The following LRRC36 variants were observed in gnomAD, a reference collection of about 807,000 sequenced individuals.
The protein encoded by LRRC36 is leucine-rich repeat-containing protein 36.
LRRC36 carries 62 observed loss-of-function variants against 81.1 expected under a neutral mutation model. That is an observed-to-expected ratio of 0.76 (90% CI 0.62 to 0.94). The LOEUF (loss-of-function observed/expected upper bound fraction) is 0.94. LRRC36 is among the 40% of genes least tolerant of loss of function. The probability of loss-of-function intolerance (pLI) is 0.00; values close to 1 mark genes in which losing one functional copy is unlikely to be tolerated. For synonymous variants in LRRC36, 334 were observed against 348.6 expected, an observed-to-expected ratio of 0.96 and a Z score of 0.47; for missense variants, 761 against 881.7, an observed-to-expected ratio of 0.86 and a Z score of 1.73.
chr16:67,365,454 C>A, intron 7 of LRRC36, 99 bp downstream of exon 7: 1 of 1,010,188 alleles, frequency 9.9e-7, no homozygotes, highest in Non-Finnish European at 1.5e-6. Context: ...TATGGGGGCC[C>A]TATTTAGTCA....
At chr16:67,360,136 A>G (rs990365468) in intron 5 of LRRC36, among the ~76,000 whole-genome samples, 2 of 152,072 alleles carry the variant, frequency 1.3e-5, no homozygotes, top group African/African-American at 4.8e-5. Flanking sequence ...CAAAAAAAAA[A>G]AAAAGAAAAG....
At position 67,341,943 on chromosome 16, in the gene LRRC36, T is replaced by C. The variant is rs1415613601; in HGVS notation, c.71-14T>C. On this transcript the variant is annotated splice_polypyrimidine_tract_variant and intron_variant, in intron 1 of 13. Coordinates refer to ENST00000329956, the MANE Select transcript of LRRC36 (RefSeq NM_018296.6). ...GCAGGGATCATAATATATCTACTGA[T>C]GATCTCTTTTCAGAACTGGTGGAGT... The C allele has an allele frequency of 1.2e-6, 2 of 1,601,008 alleles. No individual in the cohort carries two copies. Among genetic ancestry groups the C allele is most frequent in the East Asian group, 2.2e-5 (1 of 44,606 alleles).
intron 2 of LRRC36, among the ~76,000 whole-genome samples, chr16:67,343,903 G>A (rs1360627862): frequency 9.9e-5 from 15 of 151,690 alleles, no homozygotes; most frequent in East Asian, 5.9e-4. Context: ...TGCAACCTCC[G>A]CCTCCCAGGT....
At chr16:67,350,072 A>T in intron 4 of LRRC36, 130 bp from the exon 5 acceptor site, 1 of 574,902 alleles carries the variant, frequency 1.7e-6, no homozygotes, top group Non-Finnish European at 2.9e-6. Flanking sequence ...AAACATAATT[A>T]AATTAATATG....
At chr16:67,365,386 C>T (rs2039339094) in intron 7 of LRRC36, 31 bp downstream of exon 7, 2 of 1,591,968 alleles carry the variant, frequency 1.3e-6, no homozygotes, top group African/African-American at 1.3e-5. Context: ...GTATTTTTCC[C>T]CCACACTAAT....
At chr16:67,343,250 G>T (rs992398755) in intron 2 of LRRC36, among the ~76,000 whole-genome samples, 2 of 152,178 alleles carry the variant, frequency 1.3e-5, no homozygotes, top group African/African-American at 4.8e-5. Flanking sequence ...GGTAAACTGG[G>T]TGAAAAACTT....
At chr16:67,380,782 C>G (rs1284123996) in intron 12 of LRRC36, among the ~76,000 whole-genome samples, 1 of 152,162 alleles carries the variant, frequency 6.6e-6, no homozygotes, top group East Asian at 1.9e-4. Flanking sequence ...GCTTTTGCAG[C>G]CTTGTTTTCC....
intron 5 of LRRC36, among the ~76,000 whole-genome samples, chr16:67,361,380 G>C (rs1187961634): frequency 1.3e-5 from 2 of 151,996 alleles, no homozygotes; most frequent in Non-Finnish European, 2.9e-5. Context: ...TTCCAAAGTG[G>C]CCAGAACTGG....
chr16:67,342,042 C>G lies in LRRC36; in HGVS notation c.156C>G (p.Leu52=), dbSNP rs770109344. The part of the protein sequence containing the change: ...IGDAFRNFKN[L]RSLDLSRNLI... ...ATGCCTTCAGAAATTTTAAAAATCT[C>G]CGATCCTTAGATTTATCAAGGAATT... The change falls in exon 2 of 14, where the codon CTC becomes CTG. Residue 52 remains leucine (L), a synonymous_variant. Coordinates refer to ENST00000329956, the MANE Select transcript of LRRC36 (RefSeq NM_018296.6). The G allele has an allele frequency of 1.9e-6, 3 of 1,610,788 alleles. No homozygotes were observed. Among genetic ancestry groups the G allele is most frequent in the East Asian group, 2.2e-5 (1 of 44,822 alleles).
intron 1 of LRRC36, among the ~76,000 whole-genome samples, chr16:67,334,663 A>G (rs967727390): frequency 6.6e-6 from 1 of 152,128 alleles, no homozygotes; most frequent in African/African-American, 2.4e-5. Flanking sequence ...TTACTAACCT[A>G]AAAATCCCCT....
intron 1 of LRRC36, among the ~76,000 whole-genome samples, chr16:67,335,723 C>A (rs113914633): frequency 0.17 from 25,200 of 151,668 alleles, 2,792 homozygotes; most frequent in Middle Eastern, 0.3. Context: ...CCGCAACAGA[C>A]AACCACTGAT....
In LRRC36 at chr16:67,346,238, G is replaced by A. The variant is rs1307447554; in HGVS notation, c.199-18G>A. The stretch of plus-strand genomic sequence containing the variant: ...CTTTACCAATATGCCATTTCATAAT[G>A]TGGTGTTTTCCTTGTAGGGAATCCA... On this transcript the variant is annotated intron_variant, in intron 2 of 13. Coordinates refer to ENST00000329956, the MANE Select transcript of LRRC36 (RefSeq NM_018296.6). The A allele has an allele frequency of 6.8e-7, 1 of 1,462,174 alleles. No individual in the cohort carries two copies. The highest frequency in any genetic ancestry group is 9.3e-7 in the Non-Finnish European group (1 of 1,072,288). 90.6% of individuals were successfully genotyped at this position (1,462,174 alleles called of 1,614,324 possible). A position where few individuals can be genotyped will look rare whatever the true frequency, so the allele number is the denominator to read the frequency against.
intron 5 of LRRC36, among the ~76,000 whole-genome samples, chr16:67,352,955 A>G (rs1012011207): frequency 1.3e-5 from 2 of 151,978 alleles, no homozygotes; most frequent in African/African-American, 4.8e-5. Context: ...CCAAAGTGCT[A>G]GGATTATAGG....
At position 67,363,675 on chromosome 16, in the gene LRRC36, A is replaced by T; in HGVS notation, c.663A>T (p.Thr221=). The T allele has an allele frequency of 6.2e-7, 1 of 1,614,014 alleles. No individual in the cohort carries two copies. The highest frequency in any genetic ancestry group is 8.5e-7 in the Non-Finnish European group (1 of 1,179,876). The change falls in exon 6 of 14, where the codon ACA becomes ACT. Residue 221 remains threonine, a synonymous_variant. Transcript: ENST00000329956. ...CTTCTGCAACTCAGGGCAATGGTAC[A>T]CGTGATCAGAAATTAGACACCTTCC... ...LSTSATQGNG[T]RDQKLDTFPL...
intron 1 of LRRC36, among the ~76,000 whole-genome samples, chr16:67,341,363 AT>A (rs1174577951): frequency 6.4e-4 from 95 of 149,526 alleles, no homozygotes; most frequent in Non-Finnish European, 1.5e-4. Context: ...CATTAATTTA[AT>A]TCTTGTAACA....
chr16:67,376,405 C>T (rs138888991), intron 10 of LRRC36, among the ~76,000 whole-genome samples: 1 of 152,286 alleles, frequency 6.6e-6, no homozygotes, highest in Non-Finnish European at 1.5e-5. Flanking sequence ...AAGGGACATA[C>T]AGAAGAAGAA....
At chr16:67,339,115 G>A (rs1313101508) in intron 1 of LRRC36, among the ~76,000 whole-genome samples, 1 of 150,692 alleles carries the variant, frequency 6.6e-6, no homozygotes, top group Non-Finnish European at 1.5e-5. Flanking sequence ...GGCTGGTCTC[G>A]AACTCCTGAC....
Position 67,384,950 on chromosome 16 carries a change from C to G in LRRC36, c.2126C>G (p.Pro709Arg). ...GGTTATTCCGGGAAAGCGCTCCTGC[C>G]TCCTGAGAAGGGTCATCATCTGGGG... is the stretch of plus-strand genomic sequence containing the variant. ...PKGYSGKALL[P>R]PEKGHHLGRS... is the part of the protein sequence containing the mutation. The change falls in exon 14 of 14, where the codon CCT (proline) becomes CGT (arginine). Residue 709 changes from proline (P) to arginine (R), a missense_variant. By Grantham distance (103) the Pro-to-Arg change is moderately radical (BLOSUM62 -2). This residue lies in a region of LRRC36 where 359 missense variants were observed against 388.4 expected (regional missense o/e 0.92). Coordinates refer to ENST00000329956, the MANE Select transcript of LRRC36 (RefSeq NM_018296.6). 6.2e-7 allele frequency: 1 copy of G among 1,614,220 alleles called. No individual in the cohort carries two copies. Among genetic ancestry groups the G allele is most frequent in the Non-Finnish European group, 8.5e-7 (1 of 1,180,038 alleles).
chr16:67,363,024 C>G lies in LRRC36; in HGVS notation c.578-566C>G, dbSNP rs570375390. 7.9e-5 allele frequency among the ~76,000 whole-genome samples: 12 copies of G among 152,306 alleles called. No homozygotes were observed. The East Asian group carries it at 1.7e-3, about 22-fold the overall frequency. On this transcript the variant is annotated intron_variant, in intron 5 of 13. Transcript: ENST00000329956. ...TCTCGAACTCCTAACCTCAAGTGAT[C>G]TGCCCACCTCAGCCTCCCAAAGTGC...
Sources: allele counts gnomAD v4.1 joint callset (sites outside exome capture counted in the v4.1 genomes callset), GRCh38; gene constraint gnomAD v4.1.1; regional missense constraint gnomAD v4.1.1; transcripts MANE v1.5; gene names NCBI Gene and HGNC (gene_info 2026-07-23, HGNC 2026-07-21).